The following MED30 variants were observed in gnomAD, a reference collection of about 807,000 sequenced individuals.
MED30 encodes the protein mediator complex subunit 30.
Under a neutral mutation model 21.7 loss-of-function variants are expected in MED30, and 8 were observed. The ratio of observed to expected loss-of-function variants is 0.37; its 90% CI spans 0.22 to 0.67. The LOEUF is 0.67. MED30 is among the 30% of genes least tolerant of loss of function. The pLI, the probability that MED30 is intolerant of heterozygous loss-of-function variation, is 0.58. For missense variants in MED30, 203 were observed against 228.2 expected, an observed-to-expected ratio of 0.89 and a Z score of 0.71; for synonymous variants, 79 against 86.7, an observed-to-expected ratio of 0.91 and a Z score of 0.49.
chr8:117,528,820 G>A lies in MED30; in HGVS notation c.336+11G>A. ...CCCATTCCAGTCGAGGTAATTTTTTGTGATAGAGGGAGGATGAATATAAGG... is the reference window on the plus strand; with the variant it reads ...CCCATTCCAGTCGAGGTAATTTTTTATGATAGAGGGAGGATGAATATAAGG... On this transcript the variant is annotated intron_variant, in intron 2 of 3. Transcript: ENST00000297347. The A allele has an allele frequency of 6.3e-7, 1 of 1,586,650 alleles. No individual in the cohort carries two copies. The highest frequency in any genetic ancestry group is 1.4e-5 in the African/African-American group (1 of 73,926).
At position 117,540,175 on chromosome 8, in the gene MED30, CTT is replaced by C. The variant is rs1361173506; in HGVS notation, c.*199_*200del. ...TTTTATGAAAGATTATTGTAATAAA[CTT>C]TGATGGGGTTTGTATTTTGGTTAAT... On this transcript the variant is annotated 3_prime_UTR_variant, in exon 4 of 4. Transcript: ENST00000297347. 2.8e-6 allele frequency: 1 copy of C among 355,994 alleles called. No individual in the cohort carries two copies. The highest frequency in any genetic ancestry group is 5.0e-6 in the Non-Finnish European group (1 of 200,930). The allele number at this position is 355,994 out of a possible 1,614,324, so 22.1% of individuals were successfully genotyped here. A position where few individuals can be genotyped will look rare whatever the true frequency, so the allele number is the denominator to read the frequency against.
chr8:117,537,208 A>G (rs7014610), intron 3 of MED30, among the ~76,000 whole-genome samples: 5,090 of 152,346 alleles, frequency 0.033, 294 homozygotes, highest in African/African-American at 0.11. Flanking sequence ...ATTACATTAC[A>G]TGGTATCAGT....
intron 1 of MED30, chr8:117,523,520 C>G (rs1818666414): frequency 1.3e-6 from 2 of 1,596,072 alleles, no homozygotes; most frequent in Admixed American, 3.3e-5. Context: ...TGAAGGTAAT[C>G]ACAGAGATAC....
intron 1 of MED30, chr8:117,523,488 A>G: frequency 1.3e-6 from 2 of 1,590,260 alleles, no homozygotes; most frequent in Non-Finnish European, 8.6e-7. Context: ...GTAGGGTGGC[A>G]GGAACAATCT....
At chr8:117,528,252 T>TATC (rs1362581201) in intron 1 of MED30, among the ~76,000 whole-genome samples, 1 of 151,930 alleles carries the variant, frequency 6.6e-6, no homozygotes, top group Non-Finnish European at 1.5e-5. Context: ...TCCACTAAAA[T>TATC]ATCATCAGAT....
chr8:117,523,310 G>T, intron 1 of MED30: 1 of 1,368,202 alleles, frequency 7.3e-7, no homozygotes, highest in Non-Finnish European at 1.0e-6. Flanking sequence ...CCTCTAAACT[G>T]GAATTCGGTT....
intron 2 of MED30, among the ~76,000 whole-genome samples, chr8:117,529,965 G>A (rs1387039166): frequency 1.3e-5 from 2 of 151,816 alleles, no homozygotes; most frequent in Non-Finnish European, 2.9e-5. Context: ...ATTTGAAGAA[G>A]TTTTATCAGG....
intron 1 of MED30, among the ~76,000 whole-genome samples, chr8:117,527,347 G>T (rs1818732597): frequency 6.6e-6 from 1 of 151,844 alleles, no homozygotes; most frequent in Non-Finnish European, 1.5e-5. Context: ...ATTGCTTTGA[G>T]GCATTGTAGA....
intron 1 of MED30, among the ~76,000 whole-genome samples, chr8:117,524,539 TA>T (rs1440495772): frequency 6.6e-6 from 1 of 152,242 alleles, no homozygotes; most frequent in African/African-American, 2.4e-5. Flanking sequence ...CAAGTATCCT[TA>T]AATCTCAGAT....
intron 3 of MED30, among the ~76,000 whole-genome samples, chr8:117,538,580 AAATT>A (rs761264986): frequency 6.8e-4 from 103 of 152,244 alleles, no homozygotes; most frequent in Non-Finnish European, 1.3e-3. Flanking sequence ...TAGTGTCTTA[AAATT>A]AATTAAGTAT....
chr8:117,527,628 TTTTC>T (rs1156250651), intron 1 of MED30, among the ~76,000 whole-genome samples: 1 of 129,456 alleles, frequency 7.7e-6, no homozygotes, highest in Non-Finnish European at 1.7e-5. Context: ...GCTTTTCTTT[TTTTC>T]TTTCTTTTTT....
chr8:117,522,859 A>T (rs1398116883), intron 1 of MED30, among the ~76,000 whole-genome samples: 1 of 152,178 alleles, frequency 6.6e-6, no homozygotes, highest in African/African-American at 2.4e-5. Flanking sequence ...TTTAAAAAAA[A>T]TTTTGTCCTG....
At chr8:117,528,851 AC>A (rs1818758402) in intron 2 of MED30, 42 bp downstream of exon 2, 1 of 1,445,718 alleles carries the variant, frequency 6.9e-7, no homozygotes, top group Admixed American at 2.3e-5. Flanking sequence ...TAAGGTGTGA[AC>A]TAGTGTCAAG....
chr8:117,535,169 A>G (rs1180814916), intron 3 of MED30, among the ~76,000 whole-genome samples: 1 of 151,646 alleles, frequency 6.6e-6, no homozygotes, highest in African/African-American at 2.4e-5. Flanking sequence ...TCTCCATTCT[A>G]GAATATAAGA....
chr8:117,528,811 T>A lies in MED30; in HGVS notation c.336+2T>A. ...GGGATGGATCCCATTCCAGTCGAGG[T>A]AATTTTTTGTGATAGAGGGAGGATG... On this transcript the variant is annotated splice_donor_variant, in intron 2 of 3. Coordinates refer to ENST00000297347, the MANE Select transcript of MED30 (RefSeq NM_080651.4). LOFTEE classifies it high-confidence loss of function. 6.3e-7 allele frequency: 1 copy of A among 1,593,002 alleles called. No individual in the cohort carries two copies. Among genetic ancestry groups the A allele is most frequent in the Non-Finnish European group, 8.5e-7 (1 of 1,171,052 alleles).
intron 1 of MED30, chr8:117,523,323 T>G: frequency 7.0e-7 from 1 of 1,432,084 alleles, no homozygotes; most frequent in Non-Finnish European, 9.7e-7. Flanking sequence ...ATTCGGTTGT[T>G]GACCCAGCCC....
At chr8:117,523,896 A>C (rs1428039356) in intron 1 of MED30, 2 of 368,792 alleles carry the variant, frequency 5.4e-6, no homozygotes, top group Admixed American at 3.8e-5. Context: ...AATCCCAGCT[A>C]CTCGGGAGGC....
At chr8:117,526,079 T>G (rs1196021248) in intron 1 of MED30, among the ~76,000 whole-genome samples, 1 of 151,890 alleles carries the variant, frequency 6.6e-6, no homozygotes, top group Non-Finnish European at 1.5e-5. Flanking sequence ...TTTTAAAAGT[T>G]TTTTTCTAGG....
At chr8:117,521,152 C>T in intron 1 of MED30, 99 bp downstream of exon 1, 2 of 1,203,638 alleles carry the variant, frequency 1.7e-6, no homozygotes, top group Non-Finnish European at 2.3e-6. Flanking sequence ...ATCGGGGCTG[C>T]CCTGGGCAAA....
Sources: allele counts gnomAD v4.1 joint callset (sites outside exome capture counted in the v4.1 genomes callset), GRCh38; gene constraint gnomAD v4.1.1; transcripts MANE v1.5; gene names NCBI Gene and HGNC (gene_info 2026-07-23, HGNC 2026-07-21).